The following RAD18 variants were observed in gnomAD, a reference collection of about 807,000 sequenced individuals.
The protein encoded by RAD18 is E3 ubiquitin-protein ligase RAD18.
In RAD18, 47 loss-of-function variants were observed where a neutral mutation model predicts 60.4. The ratio of observed to expected loss-of-function variants is 0.78; its 90% CI spans 0.62 to 0.99. RAD18 has a LOEUF of 0.99. Among genes scored for constraint, RAD18 ranks in the 50% least tolerant of loss-of-function variants. The pLI is 0.00. For synonymous variants in RAD18, 225 were observed against 195.5 expected (o/e 1.15, Z -1.26); for missense variants, 640 against 593.3 (o/e 1.08, Z -0.82).
chr3:8,902,134 A>G (rs1374122186), intron 10 of RAD18, among the ~76,000 whole-genome samples: 2 of 152,220 alleles, frequency 1.3e-5, no homozygotes, highest in African/African-American at 4.8e-5. Context: ...AAAGAAATTT[A>G]TGATTTATCA....
At chr3:8,938,420 T>A (rs904311098) in intron 6 of RAD18, among the ~76,000 whole-genome samples, 1 of 152,232 alleles carries the variant, frequency 6.6e-6, no homozygotes. Flanking sequence ...TGGCTCTGTC[T>A]TATTAACATG....
At chr3:8,935,330 T>A (rs1338950243) in intron 7 of RAD18, among the ~76,000 whole-genome samples, 2 of 152,248 alleles carry the variant, frequency 1.3e-5, no homozygotes, top group African/African-American at 4.8e-5. Flanking sequence ...TACTATCATT[T>A]TGTAAAAACA....
intron 2 of RAD18, among the ~76,000 whole-genome samples, chr3:8,956,356 C>A (rs1941009624): frequency 1.3e-5 from 2 of 152,152 alleles, no homozygotes; most frequent in Admixed American, 1.3e-4. Context: ...CCAGGATGGT[C>A]ACTAAACGAT....
chr3:8,948,495 A>C lies in RAD18; in HGVS notation c.195+14T>G. 1.2e-6 allele frequency: 2 copies of C among 1,606,048 alleles called. No homozygotes were observed. The highest frequency in any genetic ancestry group is 2.2e-5 in the South Asian group (2 of 90,588). ...GCAGTCAGTAAGTTTTAAAAAAAGG[A>C]AACAAAAACTCACCACACAGCAAGT... On this transcript the variant is annotated intron_variant, in intron 3 of 12. Coordinates refer to ENST00000264926, the MANE Select transcript of RAD18 (RefSeq NM_020165.4).
chr3:8,934,680 A>G (rs1940619856), intron 7 of RAD18, among the ~76,000 whole-genome samples: 1 of 152,238 alleles, frequency 6.6e-6, no homozygotes, highest in African/African-American at 2.4e-5. Flanking sequence ...TGAAAGCTGA[A>G]TATCTGCAAA....
intron 11 of RAD18, among the ~76,000 whole-genome samples, chr3:8,897,436 T>C (rs1020103806): frequency 1.3e-5 from 2 of 152,216 alleles, no homozygotes; most frequent in African/African-American, 4.8e-5. Context: ...GGGTTGAGTA[T>C]GAAGCTGGTG....
intron 4 of RAD18, among the ~76,000 whole-genome samples, chr3:8,944,806 A>T (rs45603939): frequency 6.6e-6 from 1 of 152,186 alleles, no homozygotes; most frequent in African/African-American, 2.4e-5. Flanking sequence ...AAATCTATGC[A>T]ATCAATTCCA....
Position 8,881,317 on chromosome 3 carries a change from A to G in RAD18, c.*40T>C. ...TATCTGTGGCAACCAAAAGTACGGT[A>G]TTCTAATCAATGCATTTGAAAAGTC... On this transcript the variant is annotated 3_prime_UTR_variant, in exon 13 of 13. Transcript: ENST00000264926. 1 of 1,482,172 alleles carries G rather than the reference A, an allele frequency of 6.7e-7. No individual in the cohort carries two copies. Among genetic ancestry groups the G allele is most frequent in the Non-Finnish European group, 9.4e-7 (1 of 1,066,178 alleles). The allele number at this position is 1,482,172 out of a possible 1,614,324, so 91.8% of individuals were successfully genotyped here.
rs147980856 is a variant in RAD18 at position 8,923,434 on chromosome 3, C to A, written c.890-9714G>T. Among the ~76,000 whole-genome samples the A allele has an allele frequency of 3.0e-3, 458 of 152,260 alleles. 1 individual carries two copies. Among genetic ancestry groups the A allele is most frequent in the African/African-American group, 9.8e-3 (408 of 41,546 alleles). On this transcript the variant is annotated intron_variant, in intron 7 of 12. Transcript: ENST00000264926. Reference sequence around the variant, plus strand: ...CTATATGAAAAGACCAAATCTACGTCTCACTGGTGTACCTGAAAGTGACGG... The same window carrying A: ...CTATATGAAAAGACCAAATCTACGTATCACTGGTGTACCTGAAAGTGACGG...
chr3:8,955,533 A>G (rs528977538), intron 2 of RAD18, among the ~76,000 whole-genome samples: 25 of 152,298 alleles, frequency 1.6e-4, no homozygotes, highest in African/African-American at 5.5e-4. Context: ...TGTGACCAAC[A>G]TTTGAACTTT....
intron 2 of RAD18, 110 bp from the exon 3 acceptor site, chr3:8,948,680 A>G (rs981028727): frequency 1.2e-6 from 1 of 863,492 alleles, no homozygotes; most frequent in Non-Finnish European, 1.8e-6. Context: ...TCTAAGGTAT[A>G]TCATCATAAG....
chr3:8,935,054 T>G (rs1330484738), intron 7 of RAD18, among the ~76,000 whole-genome samples: 1 of 152,160 alleles, frequency 6.6e-6, no homozygotes, highest in Non-Finnish European at 1.5e-5. Flanking sequence ...AATGTGAGAA[T>G]GAAGGAGTGA....
At chr3:8,934,048 G>A (rs932722716) in intron 7 of RAD18, among the ~76,000 whole-genome samples, 1 of 152,146 alleles carries the variant, frequency 6.6e-6, no homozygotes, top group African/African-American at 2.4e-5. Context: ...AGAAGGGATG[G>A]CATTTCAATG....
intron 10 of RAD18, 82 bp from the exon 11 acceptor site, chr3:8,899,129 T>A: frequency 9.1e-7 from 1 of 1,097,190 alleles, no homozygotes; most frequent in Non-Finnish European, 1.3e-6. Flanking sequence ...AATACTGCCA[T>A]GTGCACTTAG....
chr3:8,963,264 A>G, intron 1 of RAD18, 71 bp downstream of exon 1: 1 of 1,472,536 alleles, frequency 6.8e-7, no homozygotes, highest in East Asian at 2.5e-5. Flanking sequence ...TAAGGCGAGG[A>G]CATCCTCCTC....
chr3:8,942,329 C>T (rs939604490), intron 4 of RAD18, among the ~76,000 whole-genome samples: 3 of 152,210 alleles, frequency 2.0e-5, no homozygotes, highest in African/African-American at 7.2e-5. Context: ...ACTCTCACCA[C>T]ATGACATGCT....
intron 9 of RAD18, among the ~76,000 whole-genome samples, chr3:8,909,711 A>T (rs1333366110): frequency 6.6e-6 from 1 of 152,182 alleles, no homozygotes; most frequent in Non-Finnish European, 1.5e-5. Context: ...TTATGTATGG[A>T]ATGTTATATA....
At chr3:8,944,848 T>C (rs1940814154) in intron 4 of RAD18, among the ~76,000 whole-genome samples, 1 of 152,230 alleles carries the variant, frequency 6.6e-6, no homozygotes, top group Non-Finnish European at 1.5e-5. Context: ...CTGCAATGCT[T>C]GTTCTGATCA....
chr3:8,954,352 A>C (rs1463985994), intron 2 of RAD18, among the ~76,000 whole-genome samples: 1 of 152,222 alleles, frequency 6.6e-6, no homozygotes, highest in Non-Finnish European at 1.5e-5. Flanking sequence ...TTTCCTTTTT[A>C]CTATTAAGAT....
Sources: gnomAD v4.1 joint callset for allele counts (sites outside exome capture counted in the v4.1 genomes callset) on GRCh38, gnomAD v4.1.1 for gene constraint, MANE v1.5 for transcripts, NCBI Gene and HGNC (gene_info 2026-07-23, HGNC 2026-07-21) for gene names.